The following ATP10B variants were observed in gnomAD, a reference collection of about 807,000 sequenced individuals.
The protein encoded by ATP10B is phospholipid-transporting ATPase VB.
ATP10B carries 122 observed loss-of-function variants against 141.2 expected under a neutral mutation model. The observed-to-expected ratio is 0.86, with a 90% CI of 0.75 to 1.00. ATP10B has a LOEUF of 1.00. Ranked by LOEUF, ATP10B falls within the 50% of genes least tolerant of loss-of-function variation. The pLI is 0.00. For missense variants in ATP10B, 1,876 were observed against 1,825.3 expected (o/e 1.03, Z -0.51); for synonymous variants, 685 against 692.0 (o/e 0.99, Z 0.16).
At chr5:160,893,429 G>A in the ATP10B span, among the ~76,000 whole-genome samples, 1 of 152,168 alleles carries the variant, frequency 6.6e-6, no homozygotes, top group African/African-American at 2.4e-5. Flanking sequence ...CAAAGCCACA[G>A]GGAAGTTTGA....
intron 3 of ATP10B, among the ~76,000 whole-genome samples, chr5:160,710,033 C>T (rs1257089730): frequency 1.3e-5 from 1 of 74,270 alleles, no homozygotes; most frequent in Non-Finnish European, 2.7e-5. Flanking sequence ...GGGTTGGTTC[C>T]AAGTCTTTGC....
intron 3 of ATP10B, among the ~76,000 whole-genome samples, chr5:160,703,962 G>A (rs1203170375): frequency 6.6e-6 from 1 of 152,172 alleles, no homozygotes; most frequent in African/African-American, 2.4e-5. Context: ...GTCACCAGGG[G>A]CAGTGTTAAG....
chr5:160,767,932 T>G (rs1313888818), intron 2 of ATP10B, among the ~76,000 whole-genome samples: 2 of 152,164 alleles, frequency 1.3e-5, no homozygotes, highest in African/African-American at 4.8e-5. Context: ...CTTGCATTTA[T>G]TGGAAGTAAA....
At chr5:160,886,812 A>G in the ATP10B span, among the ~76,000 whole-genome samples, 5 of 152,210 alleles carry the variant, frequency 3.3e-5, no homozygotes, top group East Asian at 5.8e-4. Flanking sequence ...CGAACCATAT[A>G]AGATAGAGAC....
At chr5:160,733,134 A>G (rs1370667953) in intron 2 of ATP10B, among the ~76,000 whole-genome samples, 1 of 152,178 alleles carries the variant, frequency 6.6e-6, no homozygotes, top group African/African-American at 2.4e-5. Context: ...ATTTCTTTCA[A>G]CTGTGTTTTG....
At chr5:160,808,904 G>A (rs540189066) in intron 1 of ATP10B, among the ~76,000 whole-genome samples, 2 of 152,148 alleles carry the variant, frequency 1.3e-5, no homozygotes. Context: ...GTTCCTTCTG[G>A]GGGCTGTGAG....
chr5:160,604,798 G>C (rs1012092608), intron 19 of ATP10B, among the ~76,000 whole-genome samples: 1 of 152,102 alleles, frequency 6.6e-6, no homozygotes, highest in African/African-American at 2.4e-5. Context: ...TTCTATATCT[G>C]CACTGTCCAA....
Position 160,569,697 on chromosome 5 carries a change from T to A in ATP10B, c.3751-14A>T, listed in dbSNP as rs1360077899. ...GTGGAAAATGGTCTGTGGAGGGAAA[T>A]AAGCAAACACTGTTGAAGGTATAGC... is the stretch of plus-strand genomic sequence containing the variant. On this transcript the variant is annotated splice_polypyrimidine_tract_variant and intron_variant, in intron 24 of 25. Transcript: ENST00000327245. The A allele has an allele frequency of 6.5e-7, 1 of 1,538,318 alleles. No individual in the cohort carries two copies. The highest frequency in any genetic ancestry group is 8.7e-7 in the Non-Finnish European group (1 of 1,145,088).
At chr5:160,691,623 G>C (rs1764082085) in intron 3 of ATP10B, 1 of 152,188 alleles carries the variant, frequency 6.6e-6, no homozygotes, top group Non-Finnish European at 1.5e-5. Context: ...TACCCAGCTT[G>C]TCATGGTAAA....
chr5:160,838,569 C>A (rs1775610677), intron 1 of ATP10B, among the ~76,000 whole-genome samples: 1 of 151,866 alleles, frequency 6.6e-6, no homozygotes, highest in Non-Finnish European at 1.5e-5. Flanking sequence ...TTGAAAGGAC[C>A]CATTCAAATA....
At chr5:160,682,839 A>G (rs1581347962) in intron 6 of ATP10B, among the ~76,000 whole-genome samples, 1 of 151,994 alleles carries the variant, frequency 6.6e-6, no homozygotes, top group East Asian at 1.9e-4. Context: ...GGAGATTGAG[A>G]CCATCCTGGC....
chr5:160,832,477 G>A (rs562218951), intron 1 of ATP10B, among the ~76,000 whole-genome samples: 1 of 152,106 alleles, frequency 6.6e-6, no homozygotes, highest in East Asian at 1.9e-4. Context: ...ATATAGCAAG[G>A]TATTTATTTT....
At chr5:160,765,837 G>T (rs1199193467) in intron 2 of ATP10B, among the ~76,000 whole-genome samples, 3 of 151,734 alleles carry the variant, frequency 2.0e-5, no homozygotes, top group African/African-American at 7.3e-5. Flanking sequence ...GAATCTACAA[G>T]AAATCTGAAC....
At chr5:160,851,278 CTTA>C (rs1753793001) in intron 1 of ATP10B, among the ~76,000 whole-genome samples, 1 of 152,118 alleles carries the variant, frequency 6.6e-6, no homozygotes, top group East Asian at 1.9e-4. Flanking sequence ...TACTTTTCAC[CTTA>C]GGGTTAGGGA....
intron 6 of ATP10B, among the ~76,000 whole-genome samples, chr5:160,676,468 A>T (rs1763035805): frequency 6.6e-6 from 1 of 152,196 alleles, no homozygotes; most frequent in African/African-American, 2.4e-5. Context: ...ACTTCCCTGT[A>T]TATTACCATC....
intron 3 of ATP10B, among the ~76,000 whole-genome samples, chr5:160,695,078 A>T (rs919480804): frequency 2.0e-5 from 3 of 152,234 alleles, no homozygotes; most frequent in African/African-American, 7.2e-5. Flanking sequence ...TTTCCTTGTA[A>T]GGGAGGAACA....
intron 13 of ATP10B, among the ~76,000 whole-genome samples, chr5:160,628,765 C>T (rs757921027): frequency 7.9e-5 from 12 of 152,004 alleles, no homozygotes; most frequent in Non-Finnish European, 1.6e-4. Context: ...ATCTTGGCTG[C>T]GTACAGACAA....
chr5:160,883,627 G>A, the ATP10B span, among the ~76,000 whole-genome samples: 6 of 152,082 alleles, frequency 3.9e-5, no homozygotes, highest in African/African-American at 7.2e-5. Flanking sequence ...AGTTTATCAC[G>A]TTTATAACAG....
At chr5:160,777,229 T>TGC (rs1315667080) in intron 2 of ATP10B, among the ~76,000 whole-genome samples, 2 of 152,198 alleles carry the variant, frequency 1.3e-5, no homozygotes, top group African/African-American at 4.8e-5. Context: ...CCATGGCTTG[T>TGC]GCCAGGCCAG....
Sources: gnomAD v4.1 joint callset for allele counts (sites outside exome capture counted in the v4.1 genomes callset) on GRCh38, gnomAD v4.1.1 for gene constraint, MANE v1.5 for transcripts, NCBI Gene and HGNC (gene_info 2026-07-23, HGNC 2026-07-21) for gene names.